The following SMYD3 variants were observed in gnomAD, a reference collection of about 807,000 sequenced individuals.
The protein encoded by SMYD3 is histone-lysine N-methyltransferase SMYD3.
In SMYD3, 36 loss-of-function variants were observed where a neutral mutation model predicts 57.7. The ratio of observed to expected loss-of-function variants is 0.62; its 90% CI spans 0.48 to 0.82. SMYD3 has a LOEUF of 0.82. Among genes scored for constraint, SMYD3 ranks in the 40% least tolerant of loss-of-function variants. SMYD3 has a pLI of 0.00. For missense variants in SMYD3, 515 were observed against 538.8 expected (o/e 0.96, Z 0.44); for synonymous variants, 211 against 195.0 (o/e 1.08, Z -0.68).
intron 5 of SMYD3, among the ~76,000 whole-genome samples, chr1:246,306,870 C>T (rs1315742028): frequency 6.6e-6 from 1 of 152,128 alleles, no homozygotes; most frequent in African/African-American, 2.4e-5. Flanking sequence ...CTCTGTGGTT[C>T]CTGGTGAGAT....
chr1:245,913,923 C>T (rs1213799224), intron 8 of SMYD3, among the ~76,000 whole-genome samples: 1 of 152,110 alleles, frequency 6.6e-6, no homozygotes, highest in Admixed American at 6.5e-5. Context: ...TGTCATCTCA[C>T]CCCAATGAGA....
intron 5 of SMYD3, among the ~76,000 whole-genome samples, chr1:246,230,586 A>G (rs1413912375): frequency 1.3e-5 from 2 of 152,196 alleles, no homozygotes; most frequent in Non-Finnish European, 2.9e-5. Context: ...TAAGCCTCCA[A>G]GTAACTAGGA....
chr1:245,769,976 C>T lies in SMYD3; in HGVS notation c.1077-5827G>A, dbSNP rs184500488. Among the ~76,000 whole-genome samples, 230 of 152,298 alleles carry T rather than the reference C, an allele frequency of 1.5e-3. 4 individuals carry two copies. The highest frequency in any genetic ancestry group is 5.2e-3 in the African/African-American group (215 of 41,566). ...CCACATGTTCTGCATCCAGTTCAATCCAGCAGAGATCACTCAACGCAGAAG... is the reference window on the plus strand; with the variant it reads ...CCACATGTTCTGCATCCAGTTCAATTCAGCAGAGATCACTCAACGCAGAAG... On this transcript the variant is annotated intron_variant, in intron 10 of 11. Transcript: ENST00000490107.
intron 5 of SMYD3, among the ~76,000 whole-genome samples, chr1:246,070,795 G>A (rs893628782): frequency 1.3e-5 from 2 of 152,208 alleles, no homozygotes; most frequent in African/African-American, 4.8e-5. Context: ...ATGCTTAAGG[G>A]TCAGCAGAAC....
intron 1 of SMYD3, among the ~76,000 whole-genome samples, chr1:246,503,534 C>A (rs780874126): frequency 6.6e-6 from 1 of 152,156 alleles, no homozygotes; most frequent in African/African-American, 2.4e-5. Flanking sequence ...TTTACAAATA[C>A]AATCATAACA....
intron 2 of SMYD3, among the ~76,000 whole-genome samples, chr1:246,345,485 T>C (rs1235951960): frequency 1.3e-5 from 2 of 152,190 alleles, no homozygotes; most frequent in Admixed American, 1.3e-4. Context: ...TTTGAAATGT[T>C]TGCGTTATAC....
At chr1:246,036,811 G>A (rs1249156428) in intron 5 of SMYD3, among the ~76,000 whole-genome samples, 3 of 149,668 alleles carry the variant, frequency 2.0e-5, no homozygotes, top group Non-Finnish European at 4.4e-5. Context: ...TGATCCGCCC[G>A]CCTCGGCCTC....
chr1:246,029,269 C>T (rs1408749825), intron 5 of SMYD3, among the ~76,000 whole-genome samples: 2 of 152,140 alleles, frequency 1.3e-5, no homozygotes, highest in Non-Finnish European at 2.9e-5. Context: ...ACTGAAGAGA[C>T]AATCTGTAGC....
At chr1:246,233,082 C>T (rs1479272858) in intron 5 of SMYD3, among the ~76,000 whole-genome samples, 3 of 131,332 alleles carry the variant, frequency 2.3e-5, no homozygotes, top group Non-Finnish European at 4.9e-5. Context: ...GAACATATAC[C>T]ACACAGAGGA....
At chr1:246,036,595 C>T (rs1437210361) in intron 5 of SMYD3, among the ~76,000 whole-genome samples, 4 of 150,312 alleles carry the variant, frequency 2.7e-5, no homozygotes, top group Non-Finnish European at 5.9e-5. Flanking sequence ...GCTTTGTTGC[C>T]CAGGCTGGAG....
intron 1 of SMYD3, among the ~76,000 whole-genome samples, chr1:246,366,829 G>C (rs927925380): frequency 6.6e-6 from 1 of 151,396 alleles, no homozygotes; most frequent in Non-Finnish European, 1.5e-5. Flanking sequence ...TACTCAGGAG[G>C]CTGGGGCAAG....
At chr1:246,403,127 A>G (rs1309912627) in intron 1 of SMYD3, among the ~76,000 whole-genome samples, 1 of 152,200 alleles carries the variant, frequency 6.6e-6, no homozygotes, top group Non-Finnish European at 1.5e-5. Context: ...ATCCTGGACT[A>G]CATGGCTTTT....
At chr1:246,376,037 C>T (rs1293393200) in intron 1 of SMYD3, among the ~76,000 whole-genome samples, 1 of 151,994 alleles carries the variant, frequency 6.6e-6, no homozygotes, top group Non-Finnish European at 1.5e-5. Context: ...GCCTTAAAAT[C>T]CAATTCTTAA....
chr1:246,151,041 T>C (rs2061933531), intron 5 of SMYD3, among the ~76,000 whole-genome samples: 1 of 150,024 alleles, frequency 6.7e-6, no homozygotes, highest in South Asian at 2.1e-4. Flanking sequence ...AGGTCAGGAG[T>C]TCAAGACCAG....
intron 5 of SMYD3, among the ~76,000 whole-genome samples, chr1:245,958,323 T>C (rs964633966): frequency 1.3e-5 from 2 of 152,192 alleles, no homozygotes; most frequent in African/African-American, 2.4e-5. Flanking sequence ...TGCTTATCCA[T>C]GAAGGCCCTT....
intron 5 of SMYD3, among the ~76,000 whole-genome samples, chr1:246,120,096 T>C (rs537449843): frequency 2.0e-5 from 3 of 152,250 alleles, no homozygotes; most frequent in African/African-American, 7.2e-5. Flanking sequence ...TGGTAATAAA[T>C]TGGGGAAAAC....
chr1:246,209,691 A>G (rs2063057298), intron 5 of SMYD3, among the ~76,000 whole-genome samples: 1 of 152,146 alleles, frequency 6.6e-6, no homozygotes, highest in Non-Finnish European at 1.5e-5. Context: ...TGTACTGCAG[A>G]ACACTGAGAT....
chr1:245,948,432 G>A (rs1437207224), intron 5 of SMYD3, among the ~76,000 whole-genome samples: 8 of 152,108 alleles, frequency 5.3e-5, no homozygotes, highest in Non-Finnish European at 8.8e-5. Flanking sequence ...ATGCCCAGCC[G>A]TCCACATTCC....
intron 10 of SMYD3, among the ~76,000 whole-genome samples, chr1:245,857,837 A>AC (rs1455404896): frequency 1.3e-5 from 2 of 151,804 alleles, no homozygotes; most frequent in African/African-American, 4.8e-5. Context: ...GTTCAACACT[A>AC]CCCCCTTCAA....
Sources: gnomAD v4.1 joint callset for allele counts (sites outside exome capture counted in the v4.1 genomes callset) on GRCh38, gnomAD v4.1.1 for gene constraint, MANE v1.5 for transcripts, NCBI Gene and HGNC (gene_info 2026-07-23, HGNC 2026-07-21) for gene names.